ATP6V1C1: variants seen among roughly 807,000 people sequenced by gnomAD.
The protein encoded by ATP6V1C1 is ATPase H+ transporting V1 subunit C1.
Under a neutral mutation model 53.9 loss-of-function variants are expected in ATP6V1C1, and 45 were observed. The observed-to-expected ratio is 0.83, with a 90% CI of 0.66 to 1.07. The LOEUF is 1.07. Among genes scored for constraint, ATP6V1C1 ranks in the 50% least tolerant of loss-of-function variants. The pLI is 0.00. For missense variants in ATP6V1C1, 315 were observed against 440.3 expected, an observed-to-expected ratio of 0.72 and a Z score of 2.55; for synonymous variants, 153 against 155.2, an observed-to-expected ratio of 0.99 and a Z score of 0.11.
At chr8:103,047,464 A>ACACACACACACACACACAT (rs137856477) in intron 3 of ATP6V1C1, among the ~76,000 whole-genome samples, 5 of 125,600 alleles carry the variant, frequency 4.0e-5, no homozygotes, top group Non-Finnish European at 6.5e-5. Context: ...ACACACACAC[A>ACACACACACACACACACAT]TTTTTTTTTT....
At chr8:103,029,933 A>G (rs1305539239) in intron 1 of ATP6V1C1, among the ~76,000 whole-genome samples, 5 of 151,934 alleles carry the variant, frequency 3.3e-5, no homozygotes, top group African/African-American at 9.7e-5. Flanking sequence ...GGGTTTTACT[A>G]TGTTGGCCGT....
At position 103,063,138 on chromosome 8, in the gene ATP6V1C1, C is replaced by A; in HGVS notation, c.738C>A (p.Phe246Leu). Reference protein sequence around the residue: ...DFRHKARENKFIVRDFQYNEE... With the variant: ...DFRHKARENKLIVRDFQYNEE... ...GTTTTTTTTCCCCCAAATTTAGATT[C>A]ATTGTTCGTGACTTCCAGTATAATG... Residue 246 changes from phenylalanine (F) to leucine (L), a missense_variant, in exon 10 of 13, where the codon TTC (phenylalanine) becomes TTA (leucine). Coordinates refer to ENST00000518738, the MANE Select transcript of ATP6V1C1 (RefSeq NM_001695.5). 1 of 1,612,626 alleles carries A rather than the reference C, an allele frequency of 6.2e-7. No individual in the cohort carries two copies. The highest frequency in any genetic ancestry group is 1.1e-5 in the South Asian group (1 of 90,992).
At chr8:103,032,004 AAAAAAAAC>A (rs145140342) in intron 1 of ATP6V1C1, among the ~76,000 whole-genome samples, 39,002 of 151,404 alleles carry the variant, frequency 0.26, 5,738 homozygotes, top group Admixed American at 0.38. Flanking sequence ...TATATTGTAA[AAAAAAAAC>A]AAAAAACAAA....
chr8:103,027,902 A>C (rs1816726677), intron 1 of ATP6V1C1, among the ~76,000 whole-genome samples: 1 of 151,748 alleles, frequency 6.6e-6, no homozygotes, highest in Admixed American at 6.6e-5. Flanking sequence ...TCCCACCCCC[A>C]ATTGTAAGCT....
chr8:103,023,091 G>A (rs1054227087), intron 1 of ATP6V1C1, among the ~76,000 whole-genome samples: 1 of 152,174 alleles, frequency 6.6e-6, no homozygotes, highest in Non-Finnish European at 1.5e-5. Flanking sequence ...TGAAGCAACA[G>A]CGTATGTCAA....
intron 8 of ATP6V1C1, among the ~76,000 whole-genome samples, chr8:103,061,999 C>T (rs1232177199): frequency 6.6e-6 from 1 of 152,088 alleles, no homozygotes; most frequent in Admixed American, 6.5e-5. Flanking sequence ...ATTAAAATTA[C>T]CTGGCAGTTG....
At chr8:103,064,597 A>T in intron 10 of ATP6V1C1, 117 bp from the exon 11 acceptor site, 1 of 731,940 alleles carries the variant, frequency 1.4e-6, no homozygotes, top group Non-Finnish European at 2.2e-6. Flanking sequence ...TAGAAAGTGA[A>T]TTATGCGACT....
At chr8:103,057,512 T>G (rs1202701726) in intron 8 of ATP6V1C1, among the ~76,000 whole-genome samples, 1 of 152,236 alleles carries the variant, frequency 6.6e-6, no homozygotes, top group Non-Finnish European at 1.5e-5. Context: ...CTTTTGTTAC[T>G]TAGGCGTGGA....
chr8:103,063,399 C>T, intron 10 of ATP6V1C1, 171 bp downstream of exon 10: 1 of 522,564 alleles, frequency 1.9e-6, no homozygotes, highest in Non-Finnish European at 3.3e-6. Flanking sequence ...CTTAACTGTT[C>T]TAGAGATAAC....
chr8:103,069,366 G>A lies in ATP6V1C1; in HGVS notation c.*619G>A, dbSNP rs1359429778. The A allele has an allele frequency of 6.6e-6, 1 of 152,162 alleles. No individual in the cohort carries two copies. Among genetic ancestry groups the A allele is most frequent in the Non-Finnish European group, 1.5e-5 (1 of 68,012 alleles). 9.4% of individuals were successfully genotyped at this position (152,162 alleles called of 1,614,324 possible). A position where few individuals can be genotyped will look rare whatever the true frequency, so the allele number is the denominator to read the frequency against. On this transcript the variant is annotated 3_prime_UTR_variant, in exon 13 of 13. Transcript: ENST00000518738. ...AGCTCACTTGCTATGCTGCTTCCAG[G>A]ATTTTGTTATATGCTGAGGTGTAAC...
In ATP6V1C1 at chr8:103,071,328, GTGT is replaced by G. The variant is rs1817582621; in HGVS notation, c.*2586_*2588del. The G allele has an allele frequency of 1.3e-5, 2 of 152,112 alleles. 1 individual carries two copies. Among genetic ancestry groups the G allele is most frequent in the Non-Finnish European group, 2.9e-5 (2 of 68,046 alleles). 9.4% of individuals were successfully genotyped at this position (152,112 alleles called of 1,614,324 possible). On this transcript the variant is annotated 3_prime_UTR_variant, in exon 13 of 13. Coordinates refer to ENST00000518738, the MANE Select transcript of ATP6V1C1 (RefSeq NM_001695.5). ...CACATCATCCTCCCGGCCCCTCCCCGTGTTGTTCATGGAGGGAGTACTGGCGGT... is the reference window on the plus strand; with the variant it reads ...CACATCATCCTCCCGGCCCCTCCCCGTGTTCATGGAGGGAGTACTGGCGGT...
intron 2 of ATP6V1C1, 24 bp from the exon 3 acceptor site, chr8:103,042,316 A>G (rs1817015228): frequency 6.2e-7 from 1 of 1,609,816 alleles, no homozygotes; most frequent in Non-Finnish European, 8.5e-7. Context: ...ATGCCACCTA[A>G]ATAACAATAT....
At chr8:103,059,172 A>G (rs1241770767) in intron 8 of ATP6V1C1, among the ~76,000 whole-genome samples, 1 of 152,160 alleles carries the variant, frequency 6.6e-6, no homozygotes, top group Non-Finnish European at 1.5e-5. Flanking sequence ...TGCAGGAAGA[A>G]TGATACTGGC....
chr8:103,066,154 G>A (rs544190213), intron 11 of ATP6V1C1, among the ~76,000 whole-genome samples, 167 bp from the exon 12 acceptor site: 1 of 151,990 alleles, frequency 6.6e-6, no homozygotes, highest in Admixed American at 6.6e-5. Context: ...AGTTTTTTGT[G>A]TATATTAGTT....
Position 103,056,208 on chromosome 8 carries a change from C to T in ATP6V1C1, c.641+272C>T, listed in dbSNP as rs1236974787. ...CATCTCATTTGTGGCAGGGCTAGAA[C>T]TAGAACCTAGGTCTTTGGTGTGGTA... On this transcript the variant is annotated intron_variant, in intron 8 of 12. Transcript: ENST00000518738. 2.0e-5 allele frequency among the ~76,000 whole-genome samples: 3 copies of T among 152,136 alleles called. No homozygotes were observed. In the East Asian group the frequency reaches 5.8e-4, roughly 29 times the overall value.
intron 3 of ATP6V1C1, among the ~76,000 whole-genome samples, chr8:103,047,428 GCGCACACACACACA>G (rs1817120571): frequency 3.4e-5 from 4 of 117,582 alleles, no homozygotes; most frequent in South Asian, 2.7e-4. Flanking sequence ...AAAAATGCGC[GCGCACACACACACA>G]CACACACACA....
At chr8:103,033,812 A>G (rs962604938) in intron 1 of ATP6V1C1, among the ~76,000 whole-genome samples, 10 of 152,212 alleles carry the variant, frequency 6.6e-5, no homozygotes, top group Non-Finnish European at 8.8e-5. Flanking sequence ...ATACACGTGA[A>G]GTGTTTTGAC....
chr8:103,059,877 C>A (rs2458275), intron 8 of ATP6V1C1, among the ~76,000 whole-genome samples: 6,142 of 75,358 alleles, frequency 0.082, 144 homozygotes, highest in African/African-American at 0.1. Context: ...GCCCCCAGCA[C>A]GCACACACAC....
At chr8:103,051,003 C>A in intron 4 of ATP6V1C1, 47 bp from the exon 5 acceptor site, 1 of 1,329,622 alleles carries the variant, frequency 7.5e-7, no homozygotes, top group African/African-American at 1.5e-5. Context: ...AAAAACTGAA[C>A]AATTCTATTG....
Sources: gnomAD v4.1 joint callset for allele counts (sites outside exome capture counted in the v4.1 genomes callset) on GRCh38, gnomAD v4.1.1 for gene constraint, MANE v1.5 for transcripts, NCBI Gene and HGNC (gene_info 2026-07-23, HGNC 2026-07-21) for gene names.